PPP1R3A: variants seen among roughly 807,000 people sequenced by gnomAD.
PPP1R3A encodes RG1.
In PPP1R3A, 29 loss-of-function variants were observed where a neutral mutation model predicts 41.7. The observed-to-expected ratio is 0.70, with a 90% confidence interval of 0.52 to 0.95. The LOEUF is 0.95. Ranked by LOEUF, PPP1R3A falls within the 40% of genes least tolerant of loss-of-function variation. The probability of loss-of-function intolerance (pLI) is 0.00; values close to 1 mark genes in which losing one functional copy is unlikely to be tolerated. For synonymous variants in PPP1R3A, 485 were observed against 453.4 expected, an observed-to-expected ratio of 1.07 and a Z score of -0.89; for missense variants, 1,352 against 1,292.4, an observed-to-expected ratio of 1.05 and a Z score of -0.71.
chr7:113,882,054 T>C lies in PPP1R3A; in HGVS notation c.951A>G (p.Lys317=). 1 of 1,612,484 alleles carries C rather than the reference T, an allele frequency of 6.2e-7. No individual in the cohort carries two copies. Among genetic ancestry groups the C allele is most frequent in the Non-Finnish European group, 8.5e-7 (1 of 1,178,940 alleles). ...VNREHDEHNE[K]ELELMINQHL... ...GAACACTTACCATCAACTCTAATTC[T>C]TTTTCATTATGTTCATCATGTTCCC... Residue 317 remains lysine (K), a synonymous_variant, in exon 3 of 4, where the codon AAA becomes AAG. Transcript: ENST00000284601.
At chr7:113,888,710 G>C (rs1357116174) in intron 1 of PPP1R3A, among the ~76,000 whole-genome samples, 1 of 152,128 alleles carries the variant, frequency 6.6e-6, no homozygotes, top group African/African-American at 2.4e-5. Flanking sequence ...TGTCTAGATG[G>C]TGAACCAGCA....
chr7:113,891,295 T>G (rs557950440), intron 1 of PPP1R3A, among the ~76,000 whole-genome samples: 1 of 152,040 alleles, frequency 6.6e-6, no homozygotes, highest in African/African-American at 2.4e-5. Context: ...AAGTGTTTAA[T>G]AAATTATTAT....
At chr7:113,888,788 G>C (rs1191907555) in intron 1 of PPP1R3A, among the ~76,000 whole-genome samples, 1 of 152,144 alleles carries the variant, frequency 6.6e-6, no homozygotes. Context: ...ATTCACACTA[G>C]TCACCTGGGT....
Position 113,891,839 on chromosome 7 carries a change from GC to G in PPP1R3A, c.783-9520del, listed in dbSNP as rs1796896824. The stretch of plus-strand genomic sequence containing the variant: ...ACCCCATATGTCTCTTAAAAAACGA[GC>G]AAAACCTCTTAAAGATCTATGCCAC... On this transcript the variant is annotated intron_variant, in intron 1 of 3. Transcript: ENST00000284601. 2.0e-5 allele frequency among the ~76,000 whole-genome samples: 3 copies of G among 151,958 alleles called. No homozygotes were observed. In the South Asian group the frequency reaches 6.2e-4, roughly 32 times the overall value.
At chr7:113,898,204 T>G (rs900819648) in intron 1 of PPP1R3A, among the ~76,000 whole-genome samples, 2 of 151,852 alleles carry the variant, frequency 1.3e-5, no homozygotes, top group African/African-American at 4.8e-5. Flanking sequence ...AATTCTGCCT[T>G]CATAAAGTTT....
chr7:113,900,251 C>T (rs932131810), intron 1 of PPP1R3A, among the ~76,000 whole-genome samples: 2 of 151,454 alleles, frequency 1.3e-5, no homozygotes, highest in Non-Finnish European at 3.0e-5. Flanking sequence ...AATGAAAGTA[C>T]CATAAAGTGT....
At chr7:113,916,036 C>T (rs902529303) in intron 1 of PPP1R3A, among the ~76,000 whole-genome samples, 2 of 152,016 alleles carry the variant, frequency 1.3e-5, no homozygotes, top group Non-Finnish European at 2.9e-5. Flanking sequence ...TTCCTTTATA[C>T]ACTCCATTTT....
chr7:113,878,330 G>T lies in PPP1R3A; in HGVS notation c.2762C>A (p.Thr921Asn), dbSNP rs752173335. The change falls in exon 4 of 4, where the codon ACT becomes AAT. Residue 921 changes from threonine (T) to asparagine (N), a missense_variant. Coordinates refer to ENST00000284601, the MANE Select transcript of PPP1R3A (RefSeq NM_002711.4). ...CTCATTAGTTGACACTGAAATTTCA[G>T]TATGATGTTTGGAAAAAGGAGAGCT... The part of the protein sequence containing the change: ...QNSSPFSKHH[T>N]EISVSTNEQA... The T allele has an allele frequency of 4.3e-6, 7 of 1,612,956 alleles. No individual in the cohort carries two copies. Among genetic ancestry groups the T allele is most frequent in the Non-Finnish European group, 5.1e-6 (6 of 1,179,654 alleles).
chr7:113,893,408 C>T (rs1407386600), intron 1 of PPP1R3A, among the ~76,000 whole-genome samples: 1 of 151,842 alleles, frequency 6.6e-6, no homozygotes, highest in African/African-American at 2.4e-5. Flanking sequence ...CCACAGAAAT[C>T]TCACCTGCAT....
chr7:113,917,464 G>A (rs979772610), intron 1 of PPP1R3A, among the ~76,000 whole-genome samples: 1 of 152,010 alleles, frequency 6.6e-6, no homozygotes, highest in African/African-American at 2.4e-5. Context: ...AGAGAGTAAG[G>A]TTACTAATGA....
At chr7:113,917,469 T>C (rs926965593) in intron 1 of PPP1R3A, among the ~76,000 whole-genome samples, 1 of 152,116 alleles carries the variant, frequency 6.6e-6, no homozygotes, top group Non-Finnish European at 1.5e-5. Flanking sequence ...GTAAGGTTAC[T>C]AATGAGGGGT....
rs1796603297 is a variant in PPP1R3A, at chr7:113,878,073, A to G, written c.3019T>C (p.Ser1007Pro). 1 of 1,613,098 alleles carries G rather than the reference A, an allele frequency of 6.2e-7. No homozygotes were observed. Among genetic ancestry groups the G allele is most frequent in the Non-Finnish European group, 8.5e-7 (1 of 1,179,598 alleles). Residue 1007 changes from serine to proline, a missense_variant, in exon 4 of 4, where the codon TCT (serine) becomes CCT (proline). Transcript: ENST00000284601. Reference sequence around the variant, plus strand: ...TTGATTAAAATCATTGGCCCTAGAGATTTTTCCACACTATACTCTTCTGTT... The same window carrying G: ...TTGATTAAAATCATTGGCCCTAGAGGTTTTTCCACACTATACTCTTCTGTT... Reference protein sequence around the residue: ...FQTEEYSVEKSLGPMILINKP... With the variant: ...FQTEEYSVEKPLGPMILINKP...
At chr7:113,904,417 T>C (rs1338974125) in intron 1 of PPP1R3A, among the ~76,000 whole-genome samples, 6 of 151,742 alleles carry the variant, frequency 4.0e-5, no homozygotes, top group Non-Finnish European at 5.9e-5. Context: ...GAAGTCATAA[T>C]AGATTTAAAA....
At position 113,900,064 on chromosome 7, in the gene PPP1R3A, C is replaced by CTTT. The variant is rs11311268; in HGVS notation, c.783-17747_783-17745dup. On this transcript the variant is annotated intron_variant, in intron 1 of 3. Transcript: ENST00000284601. ...CCATACTTCAATGAATTTAAATTTA[C>CTTT]TTTTTTTTTTAACTTAAAGGAAGCC... 2.9e-3 allele frequency among the ~76,000 whole-genome samples: 433 copies of CTTT among 150,044 alleles called. 2 individuals are homozygous for CTTT. The highest frequency in any genetic ancestry group is 0.01 in the African/African-American group (413 of 40,914).
intron 1 of PPP1R3A, among the ~76,000 whole-genome samples, chr7:113,911,634 T>G (rs779158567): frequency 2.0e-5 from 3 of 152,110 alleles, no homozygotes; most frequent in Non-Finnish European, 2.9e-5. Flanking sequence ...AAAGCTTTTT[T>G]TGTGTGTGAC....
At chr7:113,914,533 G>A (rs983993210) in intron 1 of PPP1R3A, among the ~76,000 whole-genome samples, 6 of 152,050 alleles carry the variant, frequency 3.9e-5, no homozygotes, top group African/African-American at 1.4e-4. Flanking sequence ...AATCTTGCAA[G>A]AGACAAAGGA....
chr7:113,881,868 A>G (rs1796699806), intron 3 of PPP1R3A, among the ~76,000 whole-genome samples, 171 bp downstream of exon 3: 1 of 152,064 alleles, frequency 6.6e-6, no homozygotes, highest in Non-Finnish European at 1.5e-5. Context: ...GAAGCAACAT[A>G]CAGAAATCAA....
intron 1 of PPP1R3A, among the ~76,000 whole-genome samples, chr7:113,887,561 G>T (rs774437908): frequency 7.9e-5 from 12 of 152,198 alleles, no homozygotes; most frequent in Non-Finnish European, 1.5e-4. Flanking sequence ...TATTCTCTTA[G>T]AAATAAGAAG....
intron 1 of PPP1R3A, among the ~76,000 whole-genome samples, chr7:113,906,575 T>C (rs1043769966): frequency 6.6e-6 from 1 of 151,782 alleles, no homozygotes; most frequent in Non-Finnish European, 1.5e-5. Context: ...GAGATCCAGA[T>C]GGAGATGTAT....
Sources: gnomAD v4.1 joint callset for allele counts (sites outside exome capture counted in the v4.1 genomes callset) on GRCh38, gnomAD v4.1.1 for gene constraint, MANE v1.5 for transcripts, NCBI Gene and HGNC (gene_info 2026-07-23, HGNC 2026-07-21) for gene names.